The following SPTLC2 variants were observed in gnomAD, a reference collection of about 807,000 sequenced individuals.
SPTLC2 encodes serine palmitoyltransferase long chain base subunit 2.
In SPTLC2, 21 loss-of-function variants were observed where a neutral mutation model predicts 62.0. The observed-to-expected ratio is 0.34, with a 90% confidence interval of 0.24 to 0.49. SPTLC2 has a LOEUF of 0.49. Among genes scored for constraint, SPTLC2 ranks in the 20% least tolerant of loss-of-function variants. The pLI, the probability that SPTLC2 is intolerant of heterozygous loss-of-function variation, is 0.99. For missense variants in SPTLC2, 511 were observed against 713.0 expected, an observed-to-expected ratio of 0.72 and a Z score of 3.23; for synonymous variants, 261 against 261.8, an observed-to-expected ratio of 1.00 and a Z score of 0.03.
chr14:77,534,174 TCTCTCA>T (rs2079456083), intron 9 of SPTLC2, among the ~76,000 whole-genome samples: 2 of 87,472 alleles, frequency 2.3e-5, no homozygotes, highest in Admixed American at 1.5e-4. Flanking sequence ...TTTCTCTCTC[TCTCTCA>T]CACACACACA....
intron 9 of SPTLC2, among the ~76,000 whole-genome samples, chr14:77,532,202 TG>T (rs1441452795): frequency 1.3e-5 from 2 of 152,200 alleles, no homozygotes; most frequent in African/African-American, 4.8e-5. Flanking sequence ...TATTGTAAGA[TG>T]GGGTAAGTGT....
chr14:77,524,502 A>G (rs1200975724), intron 9 of SPTLC2, among the ~76,000 whole-genome samples: 2 of 152,132 alleles, frequency 1.3e-5, no homozygotes, highest in Non-Finnish European at 2.9e-5. Flanking sequence ...CAGCAATCCC[A>G]CTACTGCTGT....
intron 1 of SPTLC2, among the ~76,000 whole-genome samples, chr14:77,598,621 A>G (rs1022739578): frequency 4.6e-5 from 7 of 152,206 alleles, no homozygotes; most frequent in African/African-American, 1.7e-4. Context: ...TCATGCAAAA[A>G]ACTAAGATGT....
At position 77,510,802 on chromosome 14, in the gene SPTLC2, C is replaced by A. The variant is rs1033687500; in HGVS notation, c.*1482G>T. 3 of 152,544 alleles carry A rather than the reference C, an allele frequency of 2.0e-5. No homozygotes were observed. Among genetic ancestry groups the A allele is most frequent in the Non-Finnish European group, 4.4e-5 (3 of 68,030 alleles). The allele number at this position is 152,544 out of a possible 1,614,324, so 9.4% of individuals were successfully genotyped here. A position where few individuals can be genotyped will look rare whatever the true frequency, so the allele number is the denominator to read the frequency against. On this transcript the variant is annotated 3_prime_UTR_variant, in exon 12 of 12. Transcript: ENST00000216484. Reference sequence around the variant, plus strand: ...AACATGACTTTCATACACTGTTTTTCCATTCTGTTCCCAATCCTTCTCCTG... The same window carrying A: ...AACATGACTTTCATACACTGTTTTTACATTCTGTTCCCAATCCTTCTCCTG...
intron 9 of SPTLC2, among the ~76,000 whole-genome samples, chr14:77,538,261 C>G (rs562025520): frequency 1.3e-5 from 2 of 152,286 alleles, no homozygotes; most frequent in East Asian, 3.9e-4. Flanking sequence ...AGGCAAATTA[C>G]CTTTGCAAAT....
chr14:77,525,248 A>T (rs7154342), intron 9 of SPTLC2, among the ~76,000 whole-genome samples: 1 of 151,840 alleles, frequency 6.6e-6, no homozygotes, highest in East Asian at 1.9e-4. Flanking sequence ...CTGCACCTGT[A>T]AACAGCCACT....
rs3216476 is a variant in SPTLC2 at position 77,582,061 on chromosome 14, A to AT, written c.328-2953dup. Among the ~76,000 whole-genome samples, 331 of 149,424 alleles carry AT rather than the reference A, an allele frequency of 2.2e-3. 1 individual carries two copies. The highest frequency in any genetic ancestry group is 3.4e-3 in the Middle Eastern group (1 of 290). On this transcript the variant is annotated intron_variant, in intron 2 of 11. Transcript: ENST00000216484. The stretch of plus-strand genomic sequence containing the variant: ...TTCTTTTTTTTAATTAAAAAAAAAA[A>AT]TTTTTTTTTGAGACAGAGTCTCACT...
chr14:77,598,938 G>A (rs985359043), intron 1 of SPTLC2, among the ~76,000 whole-genome samples: 2 of 150,098 alleles, frequency 1.3e-5, no homozygotes, highest in African/African-American at 4.9e-5. Flanking sequence ...AAAAAAAAGT[G>A]TGGCCCAGCA....
intron 1 of SPTLC2, among the ~76,000 whole-genome samples, chr14:77,613,329 G>GT (rs1169803439): frequency 6.6e-6 from 1 of 152,208 alleles, no homozygotes; most frequent in African/African-American, 2.4e-5. Flanking sequence ...CAATGCTAAT[G>GT]TAAAAGTTTC....
At chr14:77,572,020 T>C (rs2079686247) in intron 4 of SPTLC2, among the ~76,000 whole-genome samples, 2 of 151,130 alleles carry the variant, frequency 1.3e-5, no homozygotes, top group Admixed American at 1.3e-4. Flanking sequence ...ACTCCTGACC[T>C]CAAGAGATCC....
chr14:77,614,460 C>T (rs936983729), intron 1 of SPTLC2, among the ~76,000 whole-genome samples: 3 of 151,888 alleles, frequency 2.0e-5, no homozygotes, highest in African/African-American at 4.8e-5. Context: ...GTCAGGAAAT[C>T]AAGACCATCC....
chr14:77,565,523 C>A (rs1223004044), intron 5 of SPTLC2, among the ~76,000 whole-genome samples: 1 of 152,150 alleles, frequency 6.6e-6, no homozygotes, highest in Non-Finnish European at 1.5e-5. Flanking sequence ...AGAATGGTAT[C>A]ACTTCTGTGG....
At chr14:77,533,523 A>G (rs185947711) in intron 9 of SPTLC2, among the ~76,000 whole-genome samples, 3 of 152,296 alleles carry the variant, frequency 2.0e-5, no homozygotes, top group African/African-American at 7.2e-5. Flanking sequence ...AAAGGGGCGA[A>G]GCTGAGCAGG....
Position 77,557,151 on chromosome 14 carries a change from A to G in SPTLC2, c.851-5T>C, listed in dbSNP as rs199867946. The G allele has an allele frequency of 2.7e-4, 438 of 1,611,096 alleles. 2 individuals are homozygous for G. The highest frequency in any genetic ancestry group is 4.7e-5 in the Non-Finnish European group (55 of 1,178,636). On this transcript the variant is annotated splice_region_variant and splice_polypyrimidine_tract_variant and intron_variant, in intron 6 of 11. Coordinates refer to ENST00000216484, the MANE Select transcript of SPTLC2 (RefSeq NM_004863.4). ...GCTTCTCTAGGCTTTGCATATCTAC[A>G]GAGCACAAAAAAGAACAGTTATACC...
intron 5 of SPTLC2, among the ~76,000 whole-genome samples, chr14:77,564,299 G>A (rs879110040): frequency 6.2e-5 from 5 of 81,026 alleles, no homozygotes; most frequent in Non-Finnish European, 1.4e-4. Flanking sequence ...GGAGGAAGAG[G>A]AGGAGAAGGA....
At chr14:77,528,289 T>C (rs1218621702) in intron 9 of SPTLC2, among the ~76,000 whole-genome samples, 7 of 152,036 alleles carry the variant, frequency 4.6e-5, no homozygotes, top group Admixed American at 1.3e-4. Flanking sequence ...AGGAGTGCAA[T>C]GGCGCGATCT....
At chr14:77,513,016 C>CTTTTTTT (rs1190713237) in intron 11 of SPTLC2, among the ~76,000 whole-genome samples, 1,013 of 62,808 alleles carry the variant, frequency 0.016, 267 homozygotes, top group Middle Eastern at 0.033. Flanking sequence ...AACCCAGCAA[C>CTTTTTTT]TTTTTTTTTT....
chr14:77,520,486 C>A (rs2139994390), intron 10 of SPTLC2, among the ~76,000 whole-genome samples: 1 of 152,328 alleles, frequency 6.6e-6, no homozygotes, highest in East Asian at 1.9e-4. Flanking sequence ...TCAATGAGTT[C>A]AATCAAACTG....
At chr14:77,520,326 T>C (rs1404704684) in intron 10 of SPTLC2, among the ~76,000 whole-genome samples, 1 of 152,244 alleles carries the variant, frequency 6.6e-6, no homozygotes, top group Non-Finnish European at 1.5e-5. Context: ...GAGCACCTTT[T>C]CCTTACTTCC....
Sources: gnomAD v4.1 joint callset for allele counts (sites outside exome capture counted in the v4.1 genomes callset) on GRCh38, gnomAD v4.1.1 for gene constraint, MANE v1.5 for transcripts, NCBI Gene and HGNC (gene_info 2026-07-23, HGNC 2026-07-21) for gene names.